PTH1R: variants seen among roughly 807,000 people sequenced by gnomAD.
PTH1R encodes the protein parathyroid hormone/parathyroid hormone-related peptide receptor.
In PTH1R, 32 loss-of-function variants were observed where a neutral mutation model predicts 70.7. The ratio of observed to expected loss-of-function variants is 0.45; its 90% CI spans 0.34 to 0.61. PTH1R has a LOEUF of 0.61. PTH1R is among the 20% of genes least tolerant of loss of function. The pLI is 0.01. For missense variants in PTH1R, 626 were observed against 792.5 expected, an observed-to-expected ratio of 0.79 and a Z score of 2.52; for synonymous variants, 329 against 324.8, an observed-to-expected ratio of 1.01 and a Z score of -0.14.
intron 5 of PTH1R, 55 bp downstream of exon 5, chr3:46,895,924 C>A: frequency 6.3e-7 from 1 of 1,584,542 alleles, no homozygotes; most frequent in East Asian, 2.3e-5. Context: ...CACCCACCCC[C>A]ATTGCACTGT....
intron 3 of PTH1R, among the ~76,000 whole-genome samples, chr3:46,887,055 A>G (rs966289576): frequency 6.6e-6 from 1 of 152,082 alleles, no homozygotes; most frequent in African/African-American, 2.4e-5. Context: ...CCTGGCCAAC[A>G]TGGTGAAACC....
chr3:46,889,989 T>TA (rs1462094614), intron 3 of PTH1R, among the ~76,000 whole-genome samples: 1 of 152,084 alleles, frequency 6.6e-6, no homozygotes, highest in East Asian at 1.9e-4. Context: ...TGAGAAGAGA[T>TA]ACAGCTGTCA....
chr3:46,883,430 G>C lies in PTH1R; in HGVS notation c.-48-82G>C, dbSNP rs1400386578. 1 of 672,422 alleles carries C rather than the reference G, an allele frequency of 1.5e-6. No individual in the cohort carries two copies. The highest frequency in any genetic ancestry group is 1.9e-5 in the African/African-American group (1 of 51,762). 41.7% of individuals were successfully genotyped at this position (672,422 alleles called of 1,614,324 possible). A position where few individuals can be genotyped will look rare whatever the true frequency, so the allele number is the denominator to read the frequency against. ...GCGCCGGGCCCCGGGGCCTCGGGCC[G>C]CCGGGACGCCGGGGTCCCATAGGCC... On this transcript the variant is annotated intron_variant, in intron 2 of 15. Transcript: ENST00000449590. The surrounding 1 kb of genome is among the most constrained non-coding windows in gnomAD (Gnocchi z 6.4).
intron 3 of PTH1R, among the ~76,000 whole-genome samples, chr3:46,886,111 G>T (rs1161303831): frequency 6.6e-6 from 1 of 152,212 alleles, no homozygotes; most frequent in East Asian, 1.9e-4. Context: ...TAGACCCACA[G>T]ATTGTGAGTA....
intron 3 of PTH1R, among the ~76,000 whole-genome samples, chr3:46,886,372 T>G (rs1163662520): frequency 6.6e-6 from 1 of 152,086 alleles, no homozygotes; most frequent in African/African-American, 2.4e-5. Flanking sequence ...TTGCTTTTTT[T>G]CTTGAGACAG....
At position 46,896,103 on chromosome 3, in the gene PTH1R, G is replaced by C. The variant is rs2031735605; in HGVS notation, c.313+234G>C. On this transcript the variant is annotated intron_variant, in intron 5 of 15. Transcript: ENST00000449590. The surrounding 1 kb of genome is among the most constrained non-coding windows in gnomAD (Gnocchi z 4.1). ...AGAGAACTCTCCAGCACCACACCAAGAGTGGACCCAGGGCTACGGTCCCAC... is the reference window on the plus strand; with the variant it reads ...AGAGAACTCTCCAGCACCACACCAACAGTGGACCCAGGGCTACGGTCCCAC... Among the ~76,000 whole-genome samples, 1 of 152,174 alleles carries C rather than the reference G, an allele frequency of 6.6e-6. No homozygotes were observed. The highest frequency in any genetic ancestry group is 6.5e-5 in the Admixed American group (1 of 15,278).
In PTH1R at chr3:46,896,222, G is replaced by GATA. The variant is rs533659961; in HGVS notation, c.313+353_313+354insATA. 7.3e-4 allele frequency among the ~76,000 whole-genome samples: 111 copies of GATA among 152,254 alleles called. 1 individual carries two copies. In the East Asian group the frequency reaches 0.02, roughly 27 times the overall value. On this transcript the variant is annotated intron_variant, in intron 5 of 15. Transcript: ENST00000449590. This position sits in a 1 kb window ranked among gnomAD's most constrained non-coding sequence, Gnocchi z 4.1. Reference sequence around the variant, plus strand: ...AGACAGATAGTGACAGAGAAAGACGGGGAGAGGCATGGAGACAGAGATCAA... The same window carrying GATA: ...AGACAGATAGTGACAGAGAAAGACGGATAGGAGAGGCATGGAGACAGAGATCAA...
At position 46,898,413 on chromosome 3, in the gene PTH1R, G is replaced by T; in HGVS notation, c.579G>T (p.Val193=). 3 of 1,613,788 alleles carry T rather than the reference G, an allele frequency of 1.9e-6. No homozygotes were observed. The highest frequency in any genetic ancestry group is 2.5e-6 in the Non-Finnish European group (3 of 1,179,968). Residue 193 remains valine, a synonymous_variant, in exon 8 of 16, where the codon GTG becomes GTT. Coordinates refer to ENST00000449590, the MANE Select transcript of PTH1R (RefSeq NM_000316.3). ...ACCGCCTGGGCATGATTTACACCGT[G>T]GGCTACTCCGTGTCCCTGGCGTCCC... is the stretch of plus-strand genomic sequence containing the variant. ...VFDRLGMIYT[V]GYSVSLASLT...
At position 46,892,697 on chromosome 3, in the gene PTH1R, C is replaced by A. The variant is rs2031498030; in HGVS notation, c.76-1210C>A. 1 of 983,982 alleles carries A rather than the reference C, an allele frequency of 1.0e-6. No homozygotes were observed. The allele number at this position is 983,982 out of a possible 1,614,324, so 61.0% of individuals were successfully genotyped here. A position where few individuals can be genotyped will look rare whatever the true frequency, so the allele number is the denominator to read the frequency against. On this transcript the variant is annotated intron_variant, in intron 3 of 15. Coordinates refer to ENST00000449590, the MANE Select transcript of PTH1R (RefSeq NM_000316.3). This position sits in a 1 kb window ranked among gnomAD's most constrained non-coding sequence, Gnocchi z 5.2. ...CCCGACCCGCCTTCTTCCTCCCCTG[C>A]CTCCTCTGGGTCCTCCCGCCCTTCA...
chr3:46,898,301 C>T, intron 7 of PTH1R, 77 bp from the exon 8 acceptor site: 6 of 1,576,060 alleles, frequency 3.8e-6, no homozygotes, highest in Non-Finnish European at 5.2e-6. Context: ...AGCAACCTTA[C>T]CCTGGCCTCT....
At position 46,879,522 on chromosome 3, in the gene PTH1R, T is replaced by C. The variant is rs746580317; in HGVS notation, c.-105-1540T>C. Among the ~76,000 whole-genome samples, 24 of 152,234 alleles carry C rather than the reference T, an allele frequency of 1.6e-4. No individual in the cohort carries two copies. Among genetic ancestry groups the C allele is most frequent in the Admixed American group, 3.3e-4 (5 of 15,290 alleles). ...CTTTGGGAGGCCGAGGCAGGAGGAC[T>C]GCTTGAGCCCAAGAGTTGGAGACCA... On this transcript the variant is annotated intron_variant, in intron 1 of 15. Transcript: ENST00000449590. This position sits in a 1 kb window ranked among gnomAD's most constrained non-coding sequence, Gnocchi z 4.7.
Position 46,899,426 on chromosome 3 carries a change from T to C in PTH1R, c.958T>C (p.Tyr320His), listed in dbSNP as rs770695728. The C allele has an allele frequency of 6.2e-7, 1 of 1,613,244 alleles. No homozygotes were observed. The highest frequency in any genetic ancestry group is 2.2e-5 in the East Asian group (1 of 44,876). The change falls in exon 10 of 16, where the codon TAC (tyrosine) becomes CAC (histidine). Residue 320 changes from tyrosine to histidine, a missense_variant. By Grantham distance (83) the Tyr-to-His change is moderately conservative. This residue lies in a region of PTH1R where 495 missense variants were observed against 638.7 expected (regional missense o/e 0.77). Coordinates refer to ENST00000449590, the MANE Select transcript of PTH1R (RefSeq NM_000316.3). ...CATGGCCTTCTTCTCAGAGAAGAAG[T>C]ACCTGTGGGGCTTCACAGTCTTCGG... is the stretch of plus-strand genomic sequence containing the variant. ...IFMAFFSEKK[Y>H]LWGFTVFGWG...
chr3:46,885,635 G>T (rs913011790), intron 3 of PTH1R, among the ~76,000 whole-genome samples: 4 of 152,236 alleles, frequency 2.6e-5, no homozygotes, highest in Admixed American at 6.5e-5. Context: ...TAGAAGGACA[G>T]ATGCCAGTGT....
In PTH1R at chr3:46,882,783, T is replaced by G. The variant is rs2030698082; in HGVS notation, c.-48-729T>G. Among the ~76,000 whole-genome samples the G allele has an allele frequency of 6.6e-6, 1 of 151,402 alleles. No individual in the cohort carries two copies. Among genetic ancestry groups the G allele is most frequent in the African/African-American group, 2.4e-5 (1 of 41,084 alleles). Reference sequence around the variant, plus strand: ...GACAGACAGGCAGACCGACAGAGCGTCGGGGCCGCTGCGCGCCCGAGCCGC... The same window carrying G: ...GACAGACAGGCAGACCGACAGAGCGGCGGGGCCGCTGCGCGCCCGAGCCGC... On this transcript the variant is annotated intron_variant, in intron 2 of 15. Coordinates refer to ENST00000449590, the MANE Select transcript of PTH1R (RefSeq NM_000316.3). The surrounding 1 kb of genome is among the most constrained non-coding windows in gnomAD (Gnocchi z 4.3).
rs545874906 is a variant in PTH1R at position 46,894,437 on chromosome 3, C to T, written c.178+428C>T. Among the ~76,000 whole-genome samples the T allele has an allele frequency of 3.1e-4, 47 of 152,260 alleles. No homozygotes were observed. The South Asian group carries it at 3.7e-3, about 12-fold the overall frequency. On this transcript the variant is annotated intron_variant, in intron 4 of 15. Transcript: ENST00000449590. ...CTCTGTGGCACACAGATTTTGCTCA[C>T]ACTCACAGAGACTCACATGGTCTCT...
chr3:46,887,556 C>A (rs1341042636), intron 3 of PTH1R, among the ~76,000 whole-genome samples: 1 of 151,912 alleles, frequency 6.6e-6, no homozygotes, highest in Non-Finnish European at 1.5e-5. Context: ...CTAGGGAAAA[C>A]CATTTTTAGC....
rs1009143894 is a variant in PTH1R, at chr3:46,884,569, C to G, written c.75+935C>G. ...TCCACAGCAACCCCATCCCCTGGGA[C>G]GAGCCCGTTCCTGGGGAGGCTGTCT... On this transcript the variant is annotated intron_variant, in intron 3 of 15. Transcript: ENST00000449590. The surrounding 1 kb of genome is among the most constrained non-coding windows in gnomAD (Gnocchi z 4.8). 1.3e-5 allele frequency among the ~76,000 whole-genome samples: 2 copies of G among 152,156 alleles called. No individual in the cohort carries two copies. Among genetic ancestry groups the G allele is most frequent in the Admixed American group, 6.5e-5 (1 of 15,286 alleles).
At chr3:46,885,280 G>A (rs758943524) in intron 3 of PTH1R, among the ~76,000 whole-genome samples, 2 of 152,144 alleles carry the variant, frequency 1.3e-5, no homozygotes, top group African/African-American at 4.8e-5. Flanking sequence ...AGGCGCAGTT[G>A]TGTGTGTTTG....
intron 3 of PTH1R, among the ~76,000 whole-genome samples, chr3:46,885,253 TGTG>T (rs769206545): frequency 2.0e-5 from 3 of 152,146 alleles, no homozygotes; most frequent in African/African-American, 2.4e-5. Flanking sequence ...TGTCTGAAGT[TGTG>T]GTGCATGACT....
Sources: gnomAD v4.1 joint callset for allele counts (sites outside exome capture counted in the v4.1 genomes callset) on GRCh38, gnomAD v4.1.1 for gene constraint, gnomAD v4.1.1 regional missense constraint, Gnocchi (gnomAD v3.1) non-coding constraint, MANE v1.5 for transcripts, NCBI Gene and HGNC (gene_info 2026-07-23, HGNC 2026-07-21) for gene names.